The following ITGA9 variants were observed in gnomAD, a reference collection of about 807,000 sequenced individuals.
The protein encoded by ITGA9 is integrin alpha-9.
A neutral mutation model predicts 127.8 loss-of-function variants in ITGA9; 56 were observed. That is an observed-to-expected ratio of 0.44 (90% CI 0.35 to 0.55). The LOEUF (loss-of-function observed/expected upper bound fraction) is 0.55. Among genes scored for constraint, ITGA9 ranks in the 20% least tolerant of loss-of-function variants. The pLI is 0.00. For synonymous variants in ITGA9, 508 were observed against 514.5 expected (o/e 0.99, Z 0.17); for missense variants, 1,196 against 1,347.1 (o/e 0.89, Z 1.76).
chr3:37,495,620 C>G (rs1698720120), intron 5 of ITGA9, among the ~76,000 whole-genome samples: 1 of 152,190 alleles, frequency 6.6e-6, no homozygotes, highest in Admixed American at 6.5e-5. Context: ...CATCATGCTT[C>G]TAGAAAGGCC....
At chr3:37,745,476 T>C (rs1411299815) in intron 22 of ITGA9, 1 of 152,226 alleles carries the variant, frequency 6.6e-6, no homozygotes, top group Non-Finnish European at 1.5e-5. Context: ...CTTTTCGTAA[T>C]TGGGTAGGAA....
At chr3:37,637,485 T>C (rs1575176124) in intron 16 of ITGA9, among the ~76,000 whole-genome samples, 1 of 152,190 alleles carries the variant, frequency 6.6e-6, no homozygotes, top group Non-Finnish European at 1.5e-5. Context: ...ATTGATTTTG[T>C]ATCCTGAGAG....
chr3:37,820,970 C>G lies in ITGA9; in HGVS notation c.*1981C>G, dbSNP rs906827697. On this transcript the variant is annotated 3_prime_UTR_variant, in exon 28 of 28. Coordinates refer to ENST00000264741, the MANE Select transcript of ITGA9 (RefSeq NM_002207.3). The stretch of plus-strand genomic sequence containing the variant: ...ACTTGGCTAATACTCACAAACATAT[C>G]TAAAGTTTTGGCAAAATTATGAGGG... 2.0e-5 allele frequency: 3 copies of G among 152,176 alleles called. No individual in the cohort carries two copies. The highest frequency in any genetic ancestry group is 7.2e-5 in the African/African-American group (3 of 41,440). 9.4% of individuals were successfully genotyped at this position (152,176 alleles called of 1,614,324 possible).
At chr3:37,639,396 G>T (rs1200183183) in intron 16 of ITGA9, among the ~76,000 whole-genome samples, 1 of 152,190 alleles carries the variant, frequency 6.6e-6, no homozygotes, top group East Asian at 1.9e-4. Flanking sequence ...GCCACTTCTG[G>T]CTGAGGAGAA....
chr3:37,639,647 T>C (rs1323781610), intron 16 of ITGA9, among the ~76,000 whole-genome samples: 1 of 152,028 alleles, frequency 6.6e-6, no homozygotes, highest in Admixed American at 6.6e-5. Context: ...TATTTTGCAG[T>C]TTGGGGAGAT....
rs181997068 is a variant in ITGA9, at chr3:37,545,597, T to G, written c.1689+3012T>G. ...CAGGTACTTTCTCACGGCCTCACTG[T>G]GGTCAGCAGAGCTGAGGCAGCTCCA... On this transcript the variant is annotated intron_variant, in intron 15 of 27. Transcript: ENST00000264741. Among the ~76,000 whole-genome samples the G allele has an allele frequency of 3.3e-3, 507 of 152,338 alleles. 3 individuals carry two copies. Among genetic ancestry groups the G allele is most frequent in the Middle Eastern group, 6.8e-3 (2 of 294 alleles).
chr3:37,466,376 A>G (rs1194256061), intron 1 of ITGA9, among the ~76,000 whole-genome samples: 1 of 147,698 alleles, frequency 6.8e-6, no homozygotes, highest in Non-Finnish European at 1.5e-5. Flanking sequence ...CCCAGCTACT[A>G]GGGAGGCTGA....
chr3:37,550,733 A>G (rs980749019), intron 15 of ITGA9, among the ~76,000 whole-genome samples: 2 of 152,168 alleles, frequency 1.3e-5, no homozygotes, highest in Non-Finnish European at 2.9e-5. Context: ...TTTTAAGTTT[A>G]TTCAATTTAA....
intron 27 of ITGA9, among the ~76,000 whole-genome samples, chr3:37,815,362 G>A (rs375955454): frequency 9.2e-5 from 14 of 152,224 alleles, no homozygotes; most frequent in African/African-American, 2.6e-4. Context: ...TAATCCCAGC[G>A]CTTTGGGAAG....
intron 26 of ITGA9, among the ~76,000 whole-genome samples, chr3:37,801,764 CTG>C (rs1384757064): frequency 6.6e-6 from 1 of 152,232 alleles, no homozygotes; most frequent in Non-Finnish European, 1.5e-5. Context: ...GCTGGGGACT[CTG>C]TGTGCATTAC....
At chr3:37,501,017 C>A (rs1698782184) in intron 5 of ITGA9, among the ~76,000 whole-genome samples, 1 of 151,990 alleles carries the variant, frequency 6.6e-6, no homozygotes, top group East Asian at 1.9e-4. Flanking sequence ...TGCACATTAC[C>A]ATGCTGTCTT....
At chr3:37,510,125 C>T (rs910301849) in intron 8 of ITGA9, among the ~76,000 whole-genome samples, 20 of 151,616 alleles carry the variant, frequency 1.3e-4, no homozygotes, top group Non-Finnish European at 5.9e-5. Flanking sequence ...CCTCAGCCTC[C>T]CAGGTAGCTC....
intron 18 of ITGA9, among the ~76,000 whole-genome samples, chr3:37,717,979 C>T (rs548085847): frequency 1.3e-5 from 2 of 152,322 alleles, no homozygotes; most frequent in South Asian, 4.1e-4. Flanking sequence ...AGGCCAGTTT[C>T]AGCCCCTGGT....
At chr3:37,589,745 C>A (rs1699795128) in intron 15 of ITGA9, among the ~76,000 whole-genome samples, 1 of 152,110 alleles carries the variant, frequency 6.6e-6, no homozygotes, top group Non-Finnish European at 1.5e-5. Context: ...AGTCAGGAGG[C>A]CAGTGTGTCT....
chr3:37,748,209 C>A, intron 22 of ITGA9: 1 of 454,470 alleles, frequency 2.2e-6, no homozygotes, highest in Non-Finnish European at 4.2e-6. Context: ...GTATGCAAAT[C>A]TATAAGAAAG....
In ITGA9 at chr3:37,538,207, T is replaced by A. The variant is rs577465105; in HGVS notation, c.1529-4218T>A. Among the ~76,000 whole-genome samples the A allele has an allele frequency of 9.4e-4, 143 of 152,304 alleles. 1 individual carries two copies. The highest frequency in any genetic ancestry group is 4.9e-3 in the Admixed American group (75 of 15,302). ...TTAGCCTGAAACTCGGGAAGGAGAATTTGTTAGAATTTCACAGCTGAAATC... is the reference window on the plus strand; with the variant it reads ...TTAGCCTGAAACTCGGGAAGGAGAAATTGTTAGAATTTCACAGCTGAAATC... On this transcript the variant is annotated intron_variant, in intron 14 of 27. Coordinates refer to ENST00000264741, the MANE Select transcript of ITGA9 (RefSeq NM_002207.3).
chr3:37,500,217 A>ATGAG (rs1230885542), intron 5 of ITGA9, among the ~76,000 whole-genome samples: 1 of 152,216 alleles, frequency 6.6e-6, no homozygotes, highest in Non-Finnish European at 1.5e-5. Context: ...TGCAGGACAG[A>ATGAG]TGAGTGTAAA....
At chr3:37,627,125 A>G (rs1005253885) in intron 15 of ITGA9, among the ~76,000 whole-genome samples, 10 of 152,102 alleles carry the variant, frequency 6.6e-5, no homozygotes, top group African/African-American at 1.4e-4. Flanking sequence ...TCTGGAAACA[A>G]TTTGTCCAAA....
intron 15 of ITGA9, among the ~76,000 whole-genome samples, chr3:37,547,419 G>T (rs1199598589): frequency 1.3e-5 from 2 of 152,140 alleles, no homozygotes; most frequent in East Asian, 3.9e-4. Context: ...TCACACCCTG[G>T]GATCTGCCCA....
Sources: allele counts gnomAD v4.1 joint callset (sites outside exome capture counted in the v4.1 genomes callset), GRCh38; gene constraint gnomAD v4.1.1; transcripts MANE v1.5; gene names NCBI Gene and HGNC (gene_info 2026-07-23, HGNC 2026-07-21).